The following GLI3 variants were observed in gnomAD, a reference collection of about 807,000 sequenced individuals.
The protein encoded by GLI3 is GLI family zinc finger 3, also known as transcription activator GLI3.
Under a neutral mutation model 100.8 loss-of-function variants are expected in GLI3, and 20 were observed. That is an observed-to-expected ratio of 0.20 (90% CI 0.14 to 0.29). The LOEUF is 0.29. Among genes scored for constraint, GLI3 ranks in the 10% least tolerant of loss-of-function variants. The probability of loss-of-function intolerance (pLI) is 1.00; values close to 1 mark genes in which losing one functional copy is unlikely to be tolerated. For synonymous variants in GLI3, 938 were observed against 860.5 expected, an observed-to-expected ratio of 1.09 and a Z score of -1.58; for missense variants, 2,040 against 2,128.5, an observed-to-expected ratio of 0.96 and a Z score of 0.82.
intron 3 of GLI3, among the ~76,000 whole-genome samples, chr7:42,135,240 A>G (rs1786397943): frequency 6.6e-6 from 1 of 152,222 alleles, no homozygotes. Flanking sequence ...CCAGTAAAAA[A>G]ATCTAAAAAT....
intron 4 of GLI3, among the ~76,000 whole-genome samples, chr7:42,051,827 T>G (rs1216829077): frequency 6.6e-6 from 1 of 151,896 alleles, no homozygotes; most frequent in African/African-American, 2.4e-5. Flanking sequence ...TTGTTACGAG[T>G]GATGAGCCTA....
chr7:42,155,587 A>G (rs936970199), intron 2 of GLI3, among the ~76,000 whole-genome samples: 1 of 152,202 alleles, frequency 6.6e-6, no homozygotes, highest in African/African-American at 2.4e-5. Context: ...ACTGGAAACC[A>G]TTTGCTCCAA....
intron 1 of GLI3, among the ~76,000 whole-genome samples, chr7:42,226,240 A>T (rs1438626596): frequency 6.6e-6 from 1 of 152,198 alleles, no homozygotes; most frequent in Non-Finnish European, 1.5e-5. Flanking sequence ...ACACTGAAAC[A>T]TGCAAATGCA....
intron 10 of GLI3, among the ~76,000 whole-genome samples, chr7:42,012,622 G>A (rs1490657202): frequency 3.3e-5 from 5 of 152,052 alleles, no homozygotes; most frequent in Admixed American, 2.6e-4. Flanking sequence ...ATTCCGTAAA[G>A]GCTTTTCATC....
chr7:42,164,829 C>CAAATAAATAAATAAAT (rs71006459), intron 2 of GLI3, among the ~76,000 whole-genome samples: 5 of 148,220 alleles, frequency 3.4e-5, no homozygotes, highest in Non-Finnish European at 5.9e-5. Context: ...GACTATGTGT[C>CAAATAAATAAATAAAT]AAATAAATAA....
At position 42,194,743 on chromosome 7, in the gene GLI3, A is replaced by G. The variant is rs539589975; in HGVS notation, c.124+28387T>C. 2.8e-5 allele frequency among the ~76,000 whole-genome samples: 4 copies of G among 142,798 alleles called. No homozygotes were observed. In the South Asian group the frequency reaches 9.0e-4, roughly 32 times the overall value. 93.7% of individuals were successfully genotyped at this position (142,798 alleles called of 152,430 possible). A position where few individuals can be genotyped will look rare whatever the true frequency, so the allele number is the denominator to read the frequency against. ...AAACTAACATGTCTCTAATGCATCA[A>G]CTTCTCTCTCTGTCTCTTTTTTTTT... is the stretch of plus-strand genomic sequence containing the variant. On this transcript the variant is annotated intron_variant, in intron 2 of 14. Transcript: ENST00000395925.
At chr7:42,204,371 C>T (rs1182433384) in intron 2 of GLI3, among the ~76,000 whole-genome samples, 1 of 152,076 alleles carries the variant, frequency 6.6e-6, no homozygotes, top group Non-Finnish European at 1.5e-5. Flanking sequence ...AGTTCCCACT[C>T]CTGTCTTCCC....
chr7:42,068,309 A>G (rs951050319), intron 4 of GLI3, among the ~76,000 whole-genome samples: 8 of 152,242 alleles, frequency 5.3e-5, no homozygotes, highest in African/African-American at 1.9e-4. Flanking sequence ...CTGCAACACA[A>G]TCATGCCCAT....
chr7:41,967,916 T>G lies in GLI3; in HGVS notation c.2111A>C (p.Gln704Pro), dbSNP rs770958899. The part of the protein sequence containing the change: ...TVKAEKPMTS[Q>P]PSPGGQSSCS... Reference sequence around the variant, plus strand: ...TGAAGACTGACCACCAGGGCTTGGCTGAGATGTCTGTTGGGGTCAAGTGGA... The same window carrying G: ...TGAAGACTGACCACCAGGGCTTGGCGGAGATGTCTGTTGGGGTCAAGTGGA... The change falls in exon 14 of 15, where the codon CAG (glutamine) becomes CCG (proline). Residue 704 changes from glutamine (Q) to proline (P), a missense_variant. By Grantham distance (76) the Gln-to-Pro change is moderately conservative. Around this residue, in one of 5 missense-constraint regions of GLI3, gnomAD observed 327 missense variants for 338.7 expected, o/e 0.97. Transcript: ENST00000395925. 1 of 1,613,936 alleles carries G rather than the reference T, an allele frequency of 6.2e-7. No individual in the cohort carries two copies. Among genetic ancestry groups the G allele is most frequent in the Non-Finnish European group, 8.5e-7 (1 of 1,179,868 alleles).
chr7:42,021,789 A>T (rs140634373), intron 10 of GLI3, among the ~76,000 whole-genome samples: 2 of 152,198 alleles, frequency 1.3e-5, no homozygotes, highest in Non-Finnish European at 1.5e-5. Flanking sequence ...CCCTGCCAAC[A>T]TCTGTTCTAT....
At chr7:42,092,829 A>ATTTATT (rs1423905238) in intron 3 of GLI3, among the ~76,000 whole-genome samples, 1 of 144,988 alleles carries the variant, frequency 6.9e-6, no homozygotes, top group African/African-American at 2.5e-5. Context: ...TTATGTATTT[A>ATTTATT]TAGAGACGGA....
chr7:42,171,118 C>T (rs1787363770), intron 2 of GLI3, among the ~76,000 whole-genome samples: 2 of 152,202 alleles, frequency 1.3e-5, no homozygotes, highest in African/African-American at 4.8e-5. Flanking sequence ...TCTTGCATCT[C>T]ACCTTAGCTT....
At chr7:42,135,836 A>G (rs1786415398) in intron 3 of GLI3, among the ~76,000 whole-genome samples, 1 of 151,938 alleles carries the variant, frequency 6.6e-6, no homozygotes, top group Admixed American at 6.6e-5. Context: ...GGATACCAAG[A>G]TGCCTTTGTG....
At chr7:42,003,088 T>C (rs1323415847) in intron 10 of GLI3, among the ~76,000 whole-genome samples, 1 of 152,220 alleles carries the variant, frequency 6.6e-6, no homozygotes, top group Non-Finnish European at 1.5e-5. Flanking sequence ...CAGAACAGTG[T>C]CTGACTGATA....
chr7:42,125,462 C>T (rs1430362008), intron 3 of GLI3, among the ~76,000 whole-genome samples: 2 of 152,184 alleles, frequency 1.3e-5, no homozygotes, highest in African/African-American at 4.8e-5. Flanking sequence ...ACGGCAATCC[C>T]TTATCTCGGC....
chr7:42,194,792 C>T (rs1787895808), intron 2 of GLI3, among the ~76,000 whole-genome samples: 1 of 122,330 alleles, frequency 8.2e-6, no homozygotes, highest in Non-Finnish European at 1.6e-5. Flanking sequence ...CGGAGTTTCA[C>T]TCTGTCACCT....
At chr7:42,030,233 C>T (rs1413956215) in intron 7 of GLI3, among the ~76,000 whole-genome samples, 2 of 152,088 alleles carry the variant, frequency 1.3e-5, no homozygotes, top group Non-Finnish European at 2.9e-5. Flanking sequence ...CTCCTGCTTC[C>T]CTCTCACAGG....
At chr7:42,187,070 G>A (rs1447594106) in intron 2 of GLI3, among the ~76,000 whole-genome samples, 3 of 151,918 alleles carry the variant, frequency 2.0e-5, no homozygotes, top group African/African-American at 7.2e-5. Context: ...AATTAGCTGG[G>A]TGCGTTGGCA....
chr7:42,152,488 T>C, intron 2 of GLI3: 4 of 870,212 alleles, frequency 4.6e-6, no homozygotes, highest in Non-Finnish European at 5.5e-6. Context: ...CAGGCAATGC[T>C]GCTCCCATTA....
Sources: gnomAD v4.1 joint callset for allele counts (sites outside exome capture counted in the v4.1 genomes callset) on GRCh38, gnomAD v4.1.1 for gene constraint, gnomAD v4.1.1 regional missense constraint, MANE v1.5 for transcripts, NCBI Gene and HGNC (gene_info 2026-07-23, HGNC 2026-07-21) for gene names.